The following BMP1 variants were observed in gnomAD, a reference collection of about 807,000 sequenced individuals.
The protein encoded by BMP1 is bone morphogenetic protein 1.
Under a neutral mutation model 116.8 loss-of-function variants are expected in BMP1, and 63 were observed. The ratio of observed to expected loss-of-function variants is 0.54; its 90% CI spans 0.44 to 0.67. The LOEUF (loss-of-function observed/expected upper bound fraction) is 0.67. Among genes scored for constraint, BMP1 ranks in the 30% least tolerant of loss-of-function variants. BMP1 has a pLI of 0.00. For missense variants in BMP1, 1,183 were observed against 1,358.9 expected, an observed-to-expected ratio of 0.87 and a Z score of 2.04; for synonymous variants, 536 against 533.4, an observed-to-expected ratio of 1.00 and a Z score of -0.07.
intron 16 of BMP1, among the ~76,000 whole-genome samples, chr8:22,205,090 G>T (rs1441871340): frequency 4.6e-5 from 7 of 152,186 alleles, no homozygotes; most frequent in Admixed American, 4.6e-4. Context: ...AGGGTAGCAG[G>T]GTAGGTGGGT....
intron 16 of BMP1, among the ~76,000 whole-genome samples, chr8:22,206,357 C>G (rs1018248676): frequency 6.6e-6 from 1 of 152,012 alleles, no homozygotes; most frequent in Non-Finnish European, 1.5e-5. Flanking sequence ...CAAAAATTAG[C>G]CAGAGATGGT....
In BMP1 at chr8:22,194,931, G is replaced by C. The variant is rs774547537; in HGVS notation, c.1639+12G>C. 22 of 1,597,720 alleles carry C rather than the reference G, an allele frequency of 1.4e-5. No individual in the cohort carries two copies. Among genetic ancestry groups the C allele is most frequent in the Non-Finnish European group, 1.8e-5 (21 of 1,172,658 alleles). ...CAACTTTTTCAAAGGTGCCTCCTCTGTTACTCTCCCCTGCCCCAAGGTGCC... is the reference window on the plus strand; with the variant it reads ...CAACTTTTTCAAAGGTGCCTCCTCTCTTACTCTCCCCTGCCCCAAGGTGCC... On this transcript the variant is annotated intron_variant, in intron 12 of 19. Transcript: ENST00000306385. This position sits in a 1 kb window ranked among gnomAD's most constrained non-coding sequence, Gnocchi z 4.5.
At chr8:22,165,770 T>C (rs1285900755) in intron 1 of BMP1, among the ~76,000 whole-genome samples, 1 of 152,134 alleles carries the variant, frequency 6.6e-6, no homozygotes, top group Non-Finnish European at 1.5e-5. Flanking sequence ...TGCCGCTGCC[T>C]CTCATCTTCC....
chr8:22,211,721 G>A lies in BMP1; in HGVS notation c.2954G>A (p.Arg985Lys). 2 of 1,614,124 alleles carry A rather than the reference G, an allele frequency of 1.2e-6. No individual in the cohort carries two copies. Among genetic ancestry groups the A allele is most frequent in the Non-Finnish European group, 1.7e-6 (2 of 1,179,994 alleles). Residue 985 changes from arginine to lysine, a missense_variant, in exon 20 of 20, where the codon AGG (arginine) becomes AAG (lysine). Around this residue, in one of 4 missense-constraint regions of BMP1, gnomAD observed 956 missense variants for 1,135.2 expected, o/e 0.84. Coordinates refer to ENST00000306385, the MANE Select transcript of BMP1 (RefSeq NM_006129.5). ...AAGTTCCAGGACACACTCCACAGCA[G>A]GAAGTGACCACTGCCTGAGCAGGGG... ...STKFQDTLHS[R>K]K is the part of the protein sequence containing the mutation.
chr8:22,179,896 C>G lies in BMP1; in HGVS notation c.961+67C>G, dbSNP rs1222695221. ...GCCTGAGGGAGGCAGAGGCCAGGTG[C>G]CTGGTGCCACCAAGAAGGCTTAGGC... On this transcript the variant is annotated intron_variant, in intron 7 of 19. Transcript: ENST00000306385. This position sits in a 1 kb window ranked among gnomAD's most constrained non-coding sequence, Gnocchi z 4.6. 6.7e-7 allele frequency: 1 copy of G among 1,491,334 alleles called. No homozygotes were observed. 92.4% of individuals were successfully genotyped at this position (1,491,334 alleles called of 1,614,324 possible).
At chr8:22,188,100 A>G (rs1253114453) in intron 8 of BMP1, among the ~76,000 whole-genome samples, 3 of 151,878 alleles carry the variant, frequency 2.0e-5, no homozygotes, top group Non-Finnish European at 4.4e-5. Flanking sequence ...GGGGTGCACC[A>G]GAAGACTCTG....
chr8:22,192,880 A>G (rs1316012435), intron 9 of BMP1, among the ~76,000 whole-genome samples: 3 of 152,226 alleles, frequency 2.0e-5, no homozygotes, highest in African/African-American at 7.2e-5. Context: ...ACTCTTTGGC[A>G]ACAGAACCTC....
rs1828562541 is a variant in BMP1 at position 22,179,882 on chromosome 8, G to A, written c.961+53G>A. 6.4e-7 allele frequency: 1 copy of A among 1,556,238 alleles called. No homozygotes were observed. On this transcript the variant is annotated intron_variant, in intron 7 of 19. Transcript: ENST00000306385. This position sits in a 1 kb window ranked among gnomAD's most constrained non-coding sequence, Gnocchi z 4.6. Reference sequence around the variant, plus strand: ...GCGTGGAGGGCAGGGCCTGAGGGAGGCAGAGGCCAGGTGCCTGGTGCCACC... The same window carrying A: ...GCGTGGAGGGCAGGGCCTGAGGGAGACAGAGGCCAGGTGCCTGGTGCCACC...
chr8:22,203,644 G>C (rs1790252392), intron 16 of BMP1, among the ~76,000 whole-genome samples: 1 of 152,170 alleles, frequency 6.6e-6, no homozygotes, highest in African/African-American at 2.4e-5. Flanking sequence ...ACCATGCTTG[G>C]CAAGTGACTC....
At chr8:22,169,437 G>A (rs940423587) in intron 1 of BMP1, 4 of 152,324 alleles carry the variant, frequency 2.6e-5, no homozygotes, top group Non-Finnish European at 4.4e-5. Flanking sequence ...AGTTATGTGT[G>A]TGTTTGAAAA....
Position 22,194,621 on chromosome 8 carries a change from G to C in BMP1, c.1443+31G>C. ...TCAGTGGCCCTGTGATCTGACCTTT[G>C]AATCCAGCAGTTGCTCCCTGGGACA... On this transcript the variant is annotated intron_variant, in intron 11 of 19. Coordinates refer to ENST00000306385, the MANE Select transcript of BMP1 (RefSeq NM_006129.5). This position sits in a 1 kb window ranked among gnomAD's most constrained non-coding sequence, Gnocchi z 4.5. The C allele has an allele frequency of 1.2e-6, 2 of 1,610,690 alleles. No individual in the cohort carries two copies. The highest frequency in any genetic ancestry group is 1.7e-6 in the Non-Finnish European group (2 of 1,177,546).
chr8:22,171,213 G>A (rs1272509508), intron 1 of BMP1: 2 of 152,214 alleles, frequency 1.3e-5, no homozygotes, highest in Non-Finnish European at 2.9e-5. Flanking sequence ...ACTGGCTGGT[G>A]ACCTTGAGTG....
At chr8:22,175,486 A>C (rs1166022152) in intron 2 of BMP1, among the ~76,000 whole-genome samples, 1 of 152,220 alleles carries the variant, frequency 6.6e-6, no homozygotes, top group Non-Finnish European at 1.5e-5. Flanking sequence ...CACTGAAAAC[A>C]TTAGCAAATA....
chr8:22,192,025 C>T (rs757978831), intron 8 of BMP1, 24 bp from the exon 9 acceptor site: 2 of 1,593,242 alleles, frequency 1.3e-6, no homozygotes, highest in Non-Finnish European at 8.6e-7. Flanking sequence ...ACAGCTTAAC[C>T]CTCTTCCTCC....
chr8:22,197,562 A>C, intron 15 of BMP1, 142 bp downstream of exon 15: 2 of 880,186 alleles, frequency 2.3e-6, no homozygotes, highest in Admixed American at 2.6e-5. Context: ...CCACCACTTC[A>C]CTCTCCCATC....
chr8:22,196,761 A>G lies in BMP1; in HGVS notation c.1847A>G (p.Asn616Ser). 1.2e-6 allele frequency: 2 copies of G among 1,613,064 alleles called. No individual in the cohort carries two copies. The highest frequency in any genetic ancestry group is 1.7e-6 in the Non-Finnish European group (2 of 1,179,666). ...CCCAAGGAGTACCCCCCCAACAAGAACTGCATCTGGCAGCTGGTGGCCCCC... is the reference window on the plus strand; with the variant it reads ...CCCAAGGAGTACCCCCCCAACAAGAGCTGCATCTGGCAGCTGGTGGCCCCC... ...GWPKEYPPNKNCIWQLVAPTQ... is the reference protein window; with the variant it reads ...GWPKEYPPNKSCIWQLVAPTQ... Residue 616 changes from asparagine (N) to serine (S), a missense_variant, in exon 14 of 20, where the codon AAC becomes AGC. By Grantham distance (46) the Asn-to-Ser change is conservative. Transcript: ENST00000306385.
chr8:22,165,623 G>T, intron 1 of BMP1, 70 bp downstream of exon 1: 2 of 1,470,576 alleles, frequency 1.4e-6, no homozygotes, highest in Non-Finnish European at 9.0e-7. Flanking sequence ...CTTGGGGTTG[G>T]GGGAGGACAG....
rs144847341 is a variant in BMP1 at position 22,212,096 on chromosome 8, T to C, written c.*368T>C. ...GTATCACCGGGGGCATTATTTTCAT[T>C]GTAATGTTCATTTCCCACCCCTGCT... On this transcript the variant is annotated 3_prime_UTR_variant, in exon 20 of 20. Transcript: ENST00000306385. 8.8e-6 allele frequency: 2 copies of C among 227,102 alleles called. No individual in the cohort carries two copies. The highest frequency in any genetic ancestry group is 4.8e-5 in the Admixed American group (1 of 20,646). 14.1% of individuals were successfully genotyped at this position (227,102 alleles called of 1,614,324 possible). A position where few individuals can be genotyped will look rare whatever the true frequency, so the allele number is the denominator to read the frequency against.
rs548552832 is a variant in BMP1 at position 22,178,102 on chromosome 8, G to A, written c.836+145G>A. The A allele has an allele frequency of 9.0e-6, 6 of 665,284 alleles. No individual in the cohort carries two copies. The African/African-American group carries it at 1.1e-4, about 12-fold the overall frequency. 41.2% of individuals were successfully genotyped at this position (665,284 alleles called of 1,614,324 possible). A position where few individuals can be genotyped will look rare whatever the true frequency, so the allele number is the denominator to read the frequency against. ...GGGGGCTGTGGCCTCCAAGCAGAGGGTCCGTGGATGTTGCCTGCCCTCCTG... is the reference window on the plus strand; with the variant it reads ...GGGGGCTGTGGCCTCCAAGCAGAGGATCCGTGGATGTTGCCTGCCCTCCTG... On this transcript the variant is annotated intron_variant, in intron 6 of 19. Transcript: ENST00000306385.
Sources: gnomAD v4.1 joint callset for allele counts (sites outside exome capture counted in the v4.1 genomes callset) on GRCh38, gnomAD v4.1.1 for gene constraint, gnomAD v4.1.1 regional missense constraint, Gnocchi (gnomAD v3.1) non-coding constraint, MANE v1.5 for transcripts, NCBI Gene and HGNC (gene_info 2026-07-23, HGNC 2026-07-21) for gene names.